ZNF407: variants seen among roughly 807,000 people sequenced by gnomAD.
The protein encoded by ZNF407 is zinc finger protein 407.
ZNF407 carries 17 observed loss-of-function variants against 131.2 expected under a neutral mutation model. The ratio of observed to expected loss-of-function variants is 0.13; its 90% CI spans 0.09 to 0.19. The LOEUF (loss-of-function observed/expected upper bound fraction) is 0.19, where lower values mean the gene tolerates loss of function less well. Ranked by LOEUF, ZNF407 falls within the 10% of genes least tolerant of loss-of-function variation. The pLI is 1.00. For missense variants in ZNF407, 2,681 were observed against 2,830.6 expected (o/e 0.95, Z 1.20); for synonymous variants, 1,156 against 1,062.0 (o/e 1.09, Z -1.72).
chr18:74,748,592 A>G (rs545827450), intron 3 of ZNF407, among the ~76,000 whole-genome samples: 3 of 152,304 alleles, frequency 2.0e-5, no homozygotes, highest in South Asian at 4.1e-4. Flanking sequence ...TAAAAGCCAA[A>G]GGGAAAAATT....
chr18:75,052,765 G>C (rs1036635472), intron 8 of ZNF407, among the ~76,000 whole-genome samples: 3 of 152,146 alleles, frequency 2.0e-5, no homozygotes, highest in Admixed American at 2.0e-4. Context: ...CCTTCTGGGG[G>C]TGCCTGTGCG....
intron 8 of ZNF407, among the ~76,000 whole-genome samples, chr18:74,934,897 C>A (rs1972022523): frequency 6.6e-6 from 1 of 152,124 alleles, no homozygotes; most frequent in South Asian, 2.1e-4. Context: ...ATAGTGCCTG[C>A]CACTTATTAA....
At chr18:74,940,742 C>T (rs1178301110) in intron 8 of ZNF407, among the ~76,000 whole-genome samples, 1 of 152,222 alleles carries the variant, frequency 6.6e-6, no homozygotes, top group African/African-American at 2.4e-5. Flanking sequence ...GGAAGCCTCT[C>T]TGCTCCTGTC....
chr18:74,819,160 A>G (rs775625478), intron 4 of ZNF407, among the ~76,000 whole-genome samples: 3 of 152,252 alleles, frequency 2.0e-5, no homozygotes, highest in South Asian at 2.1e-4. Context: ...GGAGTTTACT[A>G]TGGAAAAGGC....
At chr18:74,858,104 C>G (rs1413182785) in intron 4 of ZNF407, among the ~76,000 whole-genome samples, 2 of 144,508 alleles carry the variant, frequency 1.4e-5, no homozygotes, top group African/African-American at 5.1e-5. Context: ...TTCCTCCCTT[C>G]CTTTGCTCCC....
At chr18:74,832,158 G>C (rs939965356) in intron 4 of ZNF407, among the ~76,000 whole-genome samples, 5 of 152,166 alleles carry the variant, frequency 3.3e-5, no homozygotes, top group Non-Finnish European at 1.5e-5. Flanking sequence ...TGATTTTCCT[G>C]TCTCACAGAC....
chr18:74,975,442 C>T (rs934280829), intron 8 of ZNF407, among the ~76,000 whole-genome samples: 1 of 152,044 alleles, frequency 6.6e-6, no homozygotes, highest in Admixed American at 6.5e-5. Context: ...TTGTATTTAC[C>T]AGTGATTAAA....
intron 7 of ZNF407, among the ~76,000 whole-genome samples, chr18:74,914,641 C>T (rs1971722354): frequency 6.6e-6 from 1 of 152,192 alleles, no homozygotes; most frequent in African/African-American, 2.4e-5. Flanking sequence ...AAAGAGATCT[C>T]AGAGTTGAGG....
chr18:74,957,391 C>T (rs182850422), intron 8 of ZNF407, among the ~76,000 whole-genome samples: 6 of 152,070 alleles, frequency 3.9e-5, no homozygotes, highest in East Asian at 3.9e-4. Flanking sequence ...TTTTTAATTA[C>T]GTTAACTTAC....
intron 4 of ZNF407, among the ~76,000 whole-genome samples, chr18:74,846,223 C>A (rs1568239131): frequency 1.3e-5 from 2 of 152,104 alleles, no homozygotes; most frequent in African/African-American, 4.8e-5. Flanking sequence ...GATATTCAAT[C>A]ATTTTATATA....
chr18:74,699,991 A>T (rs1967453740), intron 3 of ZNF407, among the ~76,000 whole-genome samples: 1 of 152,174 alleles, frequency 6.6e-6, no homozygotes, highest in African/African-American at 2.4e-5. Context: ...TGACATTTAC[A>T]ATAAGATTAG....
chr18:74,942,934 G>A (rs1232009761), intron 8 of ZNF407, among the ~76,000 whole-genome samples: 1 of 144,952 alleles, frequency 6.9e-6, no homozygotes, highest in Non-Finnish European at 1.5e-5. Flanking sequence ...TTTTTTGTTT[G>A]AGATGGGAGT....
At chr18:74,845,653 G>C (rs1037796372) in intron 4 of ZNF407, among the ~76,000 whole-genome samples, 3 of 152,172 alleles carry the variant, frequency 2.0e-5, no homozygotes, top group Non-Finnish European at 4.4e-5. Context: ...AGTGAATGCT[G>C]ATCTATTTGA....
intron 3 of ZNF407, among the ~76,000 whole-genome samples, chr18:74,691,925 C>G (rs1434458581): frequency 6.6e-6 from 1 of 152,022 alleles, no homozygotes; most frequent in African/African-American, 2.4e-5. Flanking sequence ...AAAATTCTGT[C>G]TCTATAAAAA....
chr18:74,906,590 T>A (rs953298351), intron 7 of ZNF407, among the ~76,000 whole-genome samples: 2 of 152,274 alleles, frequency 1.3e-5, no homozygotes, highest in East Asian at 3.8e-4. Flanking sequence ...TTCCTTGGAC[T>A]TGGAAATCCT....
chr18:74,963,722 A>G (rs1490089851), intron 8 of ZNF407, among the ~76,000 whole-genome samples: 1 of 152,186 alleles, frequency 6.6e-6, no homozygotes, highest in Non-Finnish European at 1.5e-5. Flanking sequence ...AACAATATCT[A>G]TGTTACTTTT....
chr18:74,889,542 CTG>C (rs1971356751), intron 6 of ZNF407, among the ~76,000 whole-genome samples: 1 of 152,090 alleles, frequency 6.6e-6, no homozygotes, highest in South Asian at 2.1e-4. Flanking sequence ...CAGTATATCT[CTG>C]TTATATGCCT....
At chr18:74,676,195 G>T (rs1986351776) in intron 3 of ZNF407, among the ~76,000 whole-genome samples, 1 of 149,046 alleles carries the variant, frequency 6.7e-6, no homozygotes, top group Non-Finnish European at 1.5e-5. Flanking sequence ...GGGTTCAAAC[G>T]ATTCCTCAGC....
At chr18:74,699,298 T>C (rs911171407) in intron 3 of ZNF407, among the ~76,000 whole-genome samples, 8 of 152,190 alleles carry the variant, frequency 5.3e-5, no homozygotes, top group Admixed American at 1.3e-4. Context: ...CTTTTCCTGG[T>C]ACAGGTTTTG....
Sources: allele counts gnomAD v4.1 joint callset (sites outside exome capture counted in the v4.1 genomes callset), GRCh38; gene constraint gnomAD v4.1.1; transcripts MANE v1.5; gene names NCBI Gene and HGNC (gene_info 2026-07-23, HGNC 2026-07-21).